The following PHF2 variants were observed in gnomAD, a reference collection of about 807,000 sequenced individuals.
The protein encoded by PHF2 is lysine-specific demethylase PHF2.
A neutral mutation model predicts 120.5 loss-of-function variants in PHF2; 27 were observed. That is an observed-to-expected ratio of 0.22 (90% CI 0.17 to 0.31). The LOEUF (loss-of-function observed/expected upper bound fraction) is 0.31. PHF2 is among the 10% of genes least tolerant of loss of function. The probability of loss-of-function intolerance (pLI) is 1.00; values close to 1 mark genes in which losing one functional copy is unlikely to be tolerated. For synonymous variants in PHF2, 568 were observed against 592.5 expected (o/e 0.96, Z 0.60); for missense variants, 1,024 against 1,434.8 (o/e 0.71, Z 4.63).
At chr9:93,652,093 C>T (rs1330039248) in intron 5 of PHF2, among the ~76,000 whole-genome samples, 1 of 152,092 alleles carries the variant, frequency 6.6e-6, no homozygotes, top group Non-Finnish European at 1.5e-5. Context: ...GGCGGCAGGA[C>T]TCTGCTTGTG....
In PHF2 at chr9:93,660,197, C is replaced by T. The variant is rs1826535824; in HGVS notation, c.1335C>T (p.Ala445=). 1 of 1,558,808 alleles carries T rather than the reference C, an allele frequency of 6.4e-7. No individual in the cohort carries two copies. The highest frequency in any genetic ancestry group is 1.4e-5 in the African/African-American group (1 of 72,752). ...LAKEIRLSEN[A]SKAVRPEVNT... ...CTCTCCTTTCTGTATCCCAGAATGC[C>T]TCCAAAGCCGTCCGACCGGAAGTGA... Residue 445 remains alanine, a synonymous_variant, in exon 12 of 22, where the codon GCC becomes GCT. Coordinates refer to ENST00000359246, the MANE Select transcript of PHF2 (RefSeq NM_005392.4).
At chr9:93,657,276 T>C (rs1826478261) in intron 9 of PHF2, among the ~76,000 whole-genome samples, 1 of 152,232 alleles carries the variant, frequency 6.6e-6, no homozygotes, top group Non-Finnish European at 1.5e-5. Flanking sequence ...CCAAGAGCTC[T>C]TTTATGCAGA....
At chr9:93,619,646 G>A (rs186654786) in intron 1 of PHF2, among the ~76,000 whole-genome samples, 2 of 152,078 alleles carry the variant, frequency 1.3e-5, no homozygotes, top group East Asian at 1.9e-4. Flanking sequence ...CCGGTAGCCC[G>A]TGCTCCATAC....
At chr9:93,663,995 C>T (rs1826628683) in intron 14 of PHF2, among the ~76,000 whole-genome samples, 1 of 152,250 alleles carries the variant, frequency 6.6e-6, no homozygotes, top group South Asian at 2.1e-4. Context: ...TGTGAGGAAG[C>T]AGACATGCCT....
At chr9:93,676,126 C>T (rs571396156) in intron 20 of PHF2, among the ~76,000 whole-genome samples, 1 of 152,264 alleles carries the variant, frequency 6.6e-6, no homozygotes, top group African/African-American at 2.4e-5. Context: ...GAGTTGTCCT[C>T]AGTTGGGAAA....
chr9:93,658,003 G>A, intron 9 of PHF2, 142 bp from the exon 10 acceptor site: 1 of 613,120 alleles, frequency 1.6e-6, no homozygotes, highest in Non-Finnish European at 2.9e-6. Flanking sequence ...AGGAACTGTT[G>A]GCAGTTGAGC....
chr9:93,609,553 GT>G (rs544292720), intron 1 of PHF2, among the ~76,000 whole-genome samples: 6,210 of 142,158 alleles, frequency 0.044, 331 homozygotes, highest in African/African-American at 0.13. Flanking sequence ...TTCTAGGTTG[GT>G]TTTTTTTTTT....
rs538005463 is a variant in PHF2 at position 93,596,849 on chromosome 9, C to T, written c.98+19978C>T. ...TCTTGGCTTACTGCAACCTCTGTCT[C>T]CTGGGTTCAAGCGATTCTCCTGCCT... is the stretch of plus-strand genomic sequence containing the variant. On this transcript the variant is annotated intron_variant, in intron 1 of 21. Coordinates refer to ENST00000359246, the MANE Select transcript of PHF2 (RefSeq NM_005392.4). 4.9e-3 allele frequency among the ~76,000 whole-genome samples: 742 copies of T among 151,908 alleles called. 8 individuals are homozygous for T. Among genetic ancestry groups the T allele is most frequent in the African/African-American group, 0.017 (710 of 41,402 alleles).
At chr9:93,657,245 C>A (rs550336140) in intron 9 of PHF2, among the ~76,000 whole-genome samples, 16 of 152,114 alleles carry the variant, frequency 1.1e-4, no homozygotes, top group Non-Finnish European at 2.1e-4. Context: ...CTTAGTTGCT[C>A]TTTTTTGGTT....
chr9:93,593,202 C>T (rs991375928), intron 1 of PHF2, among the ~76,000 whole-genome samples: 2 of 151,774 alleles, frequency 1.3e-5, no homozygotes, highest in African/African-American at 4.8e-5. Context: ...GGGAGGGCCT[C>T]CTTTATTTCC....
chr9:93,606,637 A>G (rs1478330070), intron 1 of PHF2, among the ~76,000 whole-genome samples: 2 of 152,202 alleles, frequency 1.3e-5, no homozygotes, highest in Admixed American at 1.3e-4. Flanking sequence ...ATTTTCTCCC[A>G]GTCTGTGGCT....
chr9:93,616,860 T>C (rs1289405393), intron 1 of PHF2, among the ~76,000 whole-genome samples: 1 of 152,160 alleles, frequency 6.6e-6, no homozygotes, highest in Non-Finnish European at 1.5e-5. Flanking sequence ...TTCTCCATGT[T>C]GGCCAGGCTA....
In PHF2 at chr9:93,630,100, G is replaced by A. The variant is rs780905846; in HGVS notation, c.184+45G>A. 8.3e-6 allele frequency: 13 copies of A among 1,573,658 alleles called. No homozygotes were observed. In the South Asian group the frequency reaches 8.9e-5, roughly 11 times the overall value. ...CGGCCATCTCTTGCGGAAGAGAGCAGCATCCACCCTGCCTGGGCTGCGTGG... is the reference window on the plus strand; with the variant it reads ...CGGCCATCTCTTGCGGAAGAGAGCAACATCCACCCTGCCTGGGCTGCGTGG... On this transcript the variant is annotated intron_variant, in intron 2 of 21. Coordinates refer to ENST00000359246, the MANE Select transcript of PHF2 (RefSeq NM_005392.4).
chr9:93,663,141 G>C, intron 13 of PHF2, 115 bp downstream of exon 13: 1 of 1,407,302 alleles, frequency 7.1e-7, no homozygotes, highest in Non-Finnish European at 9.7e-7. Flanking sequence ...GTGTCTGCTT[G>C]TCCTGAGTAG....
intron 1 of PHF2, among the ~76,000 whole-genome samples, chr9:93,602,361 T>C (rs1486336603): frequency 1.3e-5 from 2 of 148,620 alleles, no homozygotes; most frequent in Admixed American, 1.4e-4. Flanking sequence ...CGAGTGATTC[T>C]CCTGTCTCAG....
rs1256207947 is a variant in PHF2 at position 93,653,138 on chromosome 9, G to A, written c.603-41G>A. The A allele has an allele frequency of 1.9e-6, 3 of 1,581,692 alleles. No homozygotes were observed. In the East Asian group the frequency reaches 6.7e-5, roughly 35 times the overall value. On this transcript the variant is annotated intron_variant, in intron 5 of 21. Transcript: ENST00000359246. ...CCCACTGCAGGGGAAATAAAAAAGG[G>A]AGTCCCAGGTTCCCTCACCACCTTC...
At chr9:93,652,721 G>A (rs957286781) in intron 5 of PHF2, among the ~76,000 whole-genome samples, 15 of 152,200 alleles carry the variant, frequency 9.9e-5, no homozygotes, top group Non-Finnish European at 2.1e-4. Flanking sequence ...GTGACTTGAC[G>A]TGGCCAGGGG....
At chr9:93,628,222 T>A (rs573907692) in intron 1 of PHF2, among the ~76,000 whole-genome samples, 1 of 152,330 alleles carries the variant, frequency 6.6e-6, no homozygotes, top group South Asian at 2.1e-4. Context: ...TTTCTTATAG[T>A]GTCTCTGTCT....
chr9:93,665,882 G>A lies in PHF2; in HGVS notation c.2116+18G>A, dbSNP rs199540043. On this transcript the variant is annotated intron_variant, in intron 15 of 21. Coordinates refer to ENST00000359246, the MANE Select transcript of PHF2 (RefSeq NM_005392.4). ...CTTGTCCTGTGAGTTGGGAGGGGGT[G>A]TTGGGGGAGGGGTGTGGGAGAGGCC... 106 of 1,533,644 alleles carry A rather than the reference G, an allele frequency of 6.9e-5. 2 individuals carry two copies. Among genetic ancestry groups the A allele is most frequent in the Admixed American group, 3.5e-4 (21 of 59,712 alleles).
Sources: allele counts gnomAD v4.1 joint callset (sites outside exome capture counted in the v4.1 genomes callset), GRCh38; gene constraint gnomAD v4.1.1; transcripts MANE v1.5; gene names NCBI Gene and HGNC (gene_info 2026-07-23, HGNC 2026-07-21).